NAALADL2: variants seen among roughly 807,000 people sequenced by gnomAD.
NAALADL2 encodes the protein inactive N-acetylated-alpha-linked acidic dipeptidase-like protein 2.
A neutral mutation model predicts 87.2 loss-of-function variants in NAALADL2; 76 were observed. The ratio of observed to expected loss-of-function variants is 0.87; its 90% CI spans 0.72 to 1.05. NAALADL2 has a LOEUF of 1.05. NAALADL2 is among the 50% of genes least tolerant of loss of function. NAALADL2 has a pLI of 0.00. For synonymous variants in NAALADL2, 354 were observed against 331.0 expected (o/e 1.07, Z -0.75); for missense variants, 1,089 against 945.8 (o/e 1.15, Z -1.99).
chr3:175,436,673 C>T (rs1718725789), intron 5 of NAALADL2, among the ~76,000 whole-genome samples: 1 of 97,872 alleles, frequency 1.0e-5, no homozygotes, highest in Non-Finnish European at 2.1e-5. Flanking sequence ...CTGTTCATGT[C>T]CTTCGCCCAC....
chr3:175,037,617 G>T (rs1753571377), intron 1 of NAALADL2, among the ~76,000 whole-genome samples: 1 of 152,128 alleles, frequency 6.6e-6, no homozygotes, highest in South Asian at 2.1e-4. Context: ...TCCACAGTCT[G>T]CCTACCTCAA....
At chr3:175,225,615 C>G (rs1398293131) in intron 2 of NAALADL2, among the ~76,000 whole-genome samples, 1 of 151,978 alleles carries the variant, frequency 6.6e-6, no homozygotes, top group Admixed American at 6.6e-5. Context: ...AAAGGCTAGT[C>G]ATTTCTATTA....
intron 13 of NAALADL2, among the ~76,000 whole-genome samples, chr3:175,787,137 A>C (rs545230789): frequency 1.3e-5 from 2 of 152,300 alleles, no homozygotes; most frequent in South Asian, 4.1e-4. Context: ...GGGACATTTA[A>C]GTCTGCAGAA....
chr3:175,619,515 T>C (rs947949356), intron 10 of NAALADL2, among the ~76,000 whole-genome samples: 2 of 149,612 alleles, frequency 1.3e-5, no homozygotes, highest in Non-Finnish European at 3.0e-5. Flanking sequence ...GGAAGGTGCC[T>C]GGGGGAAATA....
rs565266793 is a variant in NAALADL2, at chr3:175,528,092, G to C, written c.1654-47949G>C. On this transcript the variant is annotated intron_variant, in intron 9 of 13. Coordinates refer to ENST00000454872, the MANE Select transcript of NAALADL2 (RefSeq NM_207015.3). The stretch of plus-strand genomic sequence containing the variant: ...TTGGTGAAGTTCTCGGAGAAGGAAA[G>C]TGAAAGAAAATTCTGAATTAAATTA... Among the ~76,000 whole-genome samples the C allele has an allele frequency of 8.0e-4, 122 of 152,200 alleles. 1 individual carries two copies. The South Asian group carries it at 0.014, about 18-fold the overall frequency.
At chr3:175,139,370 A>G (rs183462943) in intron 2 of NAALADL2, among the ~76,000 whole-genome samples, 69 of 152,160 alleles carry the variant, frequency 4.5e-4, no homozygotes, top group Middle Eastern at 3.5e-3. Flanking sequence ...GGTAATTTGT[A>G]ATGTGGAAAT....
intron 11 of NAALADL2, among the ~76,000 whole-genome samples, chr3:175,645,667 G>A (rs1300139073): frequency 1.3e-5 from 2 of 151,992 alleles, no homozygotes; most frequent in Admixed American, 6.6e-5. Flanking sequence ...AATGAAAGAA[G>A]GCCATGTCAC....
At chr3:174,884,906 C>A (rs1266091090) in intron 1 of NAALADL2, among the ~76,000 whole-genome samples, 1 of 152,102 alleles carries the variant, frequency 6.6e-6, no homozygotes, top group Non-Finnish European at 1.5e-5. Flanking sequence ...GGGGTGGCTC[C>A]TGAGGAGAAT....
intron 13 of NAALADL2, among the ~76,000 whole-genome samples, chr3:175,788,134 C>T (rs113742161): frequency 0.051 from 7,452 of 144,778 alleles, 214 homozygotes; most frequent in African/African-American, 0.072. Context: ...ACTTTGTCAC[C>T]TAGGCAGGAG....
In NAALADL2 at chr3:175,073,017, G is replaced by T. The variant is rs550189680; in HGVS notation, c.44-23773G>T. 3.9e-5 allele frequency among the ~76,000 whole-genome samples: 6 copies of T among 152,006 alleles called. No individual in the cohort carries two copies. The South Asian group carries it at 1.0e-3, about 26-fold the overall frequency. On this transcript the variant is annotated intron_variant, in intron 1 of 13. Coordinates refer to ENST00000454872, the MANE Select transcript of NAALADL2 (RefSeq NM_207015.3). ...TGAACTATAAATATAGACATTTCAA[G>T]AACTTTGGTATGTCTTCCTAAAGTG...
chr3:175,576,426 A>G (rs1718903439), intron 10 of NAALADL2, among the ~76,000 whole-genome samples: 1 of 152,206 alleles, frequency 6.6e-6, no homozygotes, highest in South Asian at 2.1e-4. Flanking sequence ...ATTTTCACAC[A>G]GTGCTCTGCA....
chr3:175,701,482 G>T (rs1045788300), intron 11 of NAALADL2, among the ~76,000 whole-genome samples: 13 of 152,102 alleles, frequency 8.5e-5, no homozygotes, highest in African/African-American at 3.1e-4. Context: ...GCCTATGTGT[G>T]CGTGTATTAA....
intron 9 of NAALADL2, among the ~76,000 whole-genome samples, chr3:175,537,581 G>T (rs1008800088): frequency 2.6e-5 from 4 of 152,224 alleles, no homozygotes; most frequent in Admixed American, 2.6e-4. Context: ...ACATCAAAAA[G>T]TTGACTTAGA....
intron 1 of NAALADL2, among the ~76,000 whole-genome samples, chr3:175,070,424 A>G (rs1401030857): frequency 6.6e-6 from 1 of 152,050 alleles, no homozygotes; most frequent in Non-Finnish European, 1.5e-5. Flanking sequence ...TTAAAACTTA[A>G]TTGTATAACT....
chr3:175,541,970 CAGCCTCCCAA>C (rs1388907244), intron 9 of NAALADL2, among the ~76,000 whole-genome samples: 1 of 152,174 alleles, frequency 6.6e-6, no homozygotes, highest in Non-Finnish European at 1.5e-5. Context: ...CCACCTGCCT[CAGCCTCCCAA>C]AGTGTTAATT....
chr3:174,469,015 G>C (rs998584384), intron 1 of NAALADL2, among the ~76,000 whole-genome samples: 1 of 151,924 alleles, frequency 6.6e-6, no homozygotes, highest in Non-Finnish European at 1.5e-5. Flanking sequence ...CGCCCGCCCT[G>C]GCCTCCCAAA....
chr3:175,346,843 A>T (rs1455120165), intron 5 of NAALADL2, among the ~76,000 whole-genome samples: 1 of 152,204 alleles, frequency 6.6e-6, no homozygotes, highest in Non-Finnish European at 1.5e-5. Context: ...TCTATTCAAG[A>T]AACTAGATGC....
chr3:174,545,881 C>A (rs1165770749), intron 1 of NAALADL2, among the ~76,000 whole-genome samples: 1 of 149,848 alleles, frequency 6.7e-6, no homozygotes, highest in Non-Finnish European at 1.5e-5. Context: ...GTGATTATTC[C>A]TATTGTATGG....
chr3:174,926,503 T>A (rs1417437609), intron 1 of NAALADL2, among the ~76,000 whole-genome samples: 1 of 151,990 alleles, frequency 6.6e-6, no homozygotes, highest in African/African-American at 2.4e-5. Context: ...TAACAGTAGA[T>A]CTCTCGGTAG....
Sources: gnomAD v4.1 joint callset for allele counts (sites outside exome capture counted in the v4.1 genomes callset) on GRCh38, gnomAD v4.1.1 for gene constraint, MANE v1.5 for transcripts, NCBI Gene and HGNC (gene_info 2026-07-23, HGNC 2026-07-21) for gene names.